AGBL4: variants seen among roughly 807,000 people sequenced by gnomAD.
AGBL4 encodes the protein cytosolic carboxypeptidase 6.
AGBL4 carries 58 observed loss-of-function variants against 66.4 expected under a neutral mutation model. That is an observed-to-expected ratio of 0.87 (90% CI 0.71 to 1.09). The LOEUF is 1.09. AGBL4 is among the 50% of genes least tolerant of loss of function. The pLI is 0.00. For missense variants in AGBL4, 579 were observed against 631.0 expected (o/e 0.92, Z 0.88); for synonymous variants, 234 against 222.9 (o/e 1.05, Z -0.44).
chr1:48,559,901 C>T (rs1644372075), intron 11 of AGBL4, among the ~76,000 whole-genome samples: 1 of 152,224 alleles, frequency 6.6e-6, no homozygotes, highest in Admixed American at 6.5e-5. Context: ...GGACCTGACA[C>T]ACAGTAAACA....
At chr1:49,343,054 C>A (rs960708019) in intron 3 of AGBL4, among the ~76,000 whole-genome samples, 2 of 152,098 alleles carry the variant, frequency 1.3e-5, no homozygotes, top group East Asian at 3.9e-4. Flanking sequence ...ATTTAAAAGA[C>A]CTTTATGCTT....
At chr1:48,821,931 A>G (rs1209681113) in intron 6 of AGBL4, among the ~76,000 whole-genome samples, 1 of 152,202 alleles carries the variant, frequency 6.6e-6, no homozygotes, top group African/African-American at 2.4e-5. Flanking sequence ...ACAGAAGAAG[A>G]TATTTGAATG....
chr1:48,675,145 A>ACC (rs906489177), intron 6 of AGBL4, among the ~76,000 whole-genome samples: 2 of 148,142 alleles, frequency 1.4e-5, no homozygotes. Context: ...TGTGAAACAG[A>ACC]CCCCCCCGCC....
At chr1:48,974,351 T>G (rs553134416) in intron 5 of AGBL4, among the ~76,000 whole-genome samples, 1 of 152,144 alleles carries the variant, frequency 6.6e-6, no homozygotes, top group African/African-American at 2.4e-5. Context: ...ATGTGTTTCC[T>G]GTGTGCAAAT....
At chr1:49,868,376 T>C (rs2148106070) in intron 1 of AGBL4, among the ~76,000 whole-genome samples, 1 of 152,238 alleles carries the variant, frequency 6.6e-6, no homozygotes, top group East Asian at 1.9e-4. Flanking sequence ...GACTTCAGAC[T>C]ACACTACAAG....
chr1:49,778,644 G>A (rs1479325729), intron 2 of AGBL4, among the ~76,000 whole-genome samples: 5 of 152,134 alleles, frequency 3.3e-5, no homozygotes, highest in Non-Finnish European at 7.4e-5. Context: ...CCTGGATAAG[G>A]GAAAGCCTCA....
intron 4 of AGBL4, among the ~76,000 whole-genome samples, chr1:49,182,151 G>C (rs1646941010): frequency 6.6e-6 from 1 of 152,110 alleles, no homozygotes. Context: ...AGTGAGACAG[G>C]GGCAGAAGAC....
At chr1:48,933,400 G>A (rs1655193876) in intron 5 of AGBL4, among the ~76,000 whole-genome samples, 3 of 152,120 alleles carry the variant, frequency 2.0e-5, no homozygotes. Flanking sequence ...ACCTTACAAG[G>A]CAGCCCATAT....
At chr1:49,506,310 T>C (rs563548294) in intron 3 of AGBL4, among the ~76,000 whole-genome samples, 5 of 152,154 alleles carry the variant, frequency 3.3e-5, no homozygotes, top group Admixed American at 3.3e-4. Context: ...ATGTAACATA[T>C]AATAATAGCA....
intron 3 of AGBL4, among the ~76,000 whole-genome samples, chr1:49,395,397 A>G (rs1295871398): frequency 6.6e-6 from 1 of 152,066 alleles, no homozygotes; most frequent in East Asian, 1.9e-4. Context: ...TATTGAATGA[A>G]TGAAAGACTG....
chr1:49,260,178 A>G (rs1396266327), intron 3 of AGBL4, among the ~76,000 whole-genome samples: 2 of 151,958 alleles, frequency 1.3e-5, no homozygotes, highest in Admixed American at 1.3e-4. Flanking sequence ...GGAAATTTAT[A>G]GCACTGAATG....
intron 2 of AGBL4, among the ~76,000 whole-genome samples, chr1:49,801,999 C>T: frequency 6.6e-6 from 1 of 152,160 alleles, no homozygotes; most frequent in East Asian, 1.9e-4. Flanking sequence ...CCCCCTGAAA[C>T]TATTGCTATG....
At chr1:49,928,539 G>A (rs978538653) in intron 1 of AGBL4, among the ~76,000 whole-genome samples, 12 of 152,072 alleles carry the variant, frequency 7.9e-5, no homozygotes, top group African/African-American at 2.4e-4. Flanking sequence ...GTGAGCCACC[G>A]CACCCGGGCT....
At chr1:49,672,332 G>T (rs981183229) in intron 3 of AGBL4, among the ~76,000 whole-genome samples, 2 of 151,154 alleles carry the variant, frequency 1.3e-5, no homozygotes. Flanking sequence ...AGACACTGGG[G>T]TCTACTTGAG....
chr1:49,153,514 ATCACTCCACAATAGCT>A, intron 4 of AGBL4, among the ~76,000 whole-genome samples: 1 of 152,264 alleles, frequency 6.6e-6, no homozygotes, highest in East Asian at 1.9e-4. Flanking sequence ...CTCTATGCAC[ATCACTCCACAATAGCT>A]TCCTTTATAC....
intron 3 of AGBL4, among the ~76,000 whole-genome samples, chr1:49,293,212 A>G (rs1224315633): frequency 6.6e-6 from 1 of 152,216 alleles, no homozygotes; most frequent in Non-Finnish European, 1.5e-5. Context: ...TCACTGCAGC[A>G]GCTGGCATGT....
At chr1:49,726,020 T>C (rs185166869) in intron 2 of AGBL4, among the ~76,000 whole-genome samples, 2 of 152,156 alleles carry the variant, frequency 1.3e-5, no homozygotes, top group Non-Finnish European at 2.9e-5. Context: ...AAGTGGCTTA[T>C]AGTCTGAGGG....
At chr1:48,582,786 G>A (rs1257879634) in intron 11 of AGBL4, among the ~76,000 whole-genome samples, 1 of 152,172 alleles carries the variant, frequency 6.6e-6, no homozygotes, top group African/African-American at 2.4e-5. Flanking sequence ...ACACAGCCAG[G>A]TAAGCACCAA....
chr1:49,657,923 A>G (rs1397519236), intron 3 of AGBL4, among the ~76,000 whole-genome samples: 1 of 152,182 alleles, frequency 6.6e-6, no homozygotes, highest in African/African-American at 2.4e-5. Flanking sequence ...AACCTAGGCA[A>G]TCCCATTCAG....
Sources: allele counts gnomAD v4.1 joint callset (sites outside exome capture counted in the v4.1 genomes callset), GRCh38; gene constraint gnomAD v4.1.1; transcripts MANE v1.5; gene names NCBI Gene and HGNC (gene_info 2026-07-23, HGNC 2026-07-21).